Variants in CYFIP1 observed in about 807,000 individuals in gnomAD.
CYFIP1 encodes cytoplasmic FMR1-interacting protein 1.
Under a neutral mutation model 163.5 loss-of-function variants are expected in CYFIP1, and 58 were observed. That is an observed-to-expected ratio of 0.35 (90% CI 0.29 to 0.44). The LOEUF (loss-of-function observed/expected upper bound fraction) is 0.44, where lower values mean the gene tolerates loss of function less well. Among genes scored for constraint, CYFIP1 ranks in the 20% least tolerant of loss-of-function variants. CYFIP1 has a pLI of 1.00. For synonymous variants in CYFIP1, 663 were observed against 660.7 expected (o/e 1.00, Z -0.05); for missense variants, 1,338 against 1,653.8 (o/e 0.81, Z 3.31).
intron 1 of CYFIP1, among the ~76,000 whole-genome samples, chr15:22,968,008 C>T (rs1231461889): frequency 1.3e-5 from 2 of 152,020 alleles, no homozygotes; most frequent in Admixed American, 6.5e-5. Context: ...TGGTGGCACA[C>T]GCCTGTAATC....
intron 1 of CYFIP1, among the ~76,000 whole-genome samples, chr15:22,949,064 A>C (rs575577387): frequency 1.3e-4 from 20 of 152,308 alleles, no homozygotes; most frequent in African/African-American, 4.8e-4. Context: ...CAGATTCAAG[A>C]AGCTCTATGG....
At chr15:22,942,032 C>T (rs1039428262) in intron 6 of CYFIP1, among the ~76,000 whole-genome samples, 1 of 152,216 alleles carries the variant, frequency 6.6e-6, no homozygotes, top group Non-Finnish European at 1.5e-5. Flanking sequence ...CTTCAGACTT[C>T]TGCCCCAAGA....
chr15:22,976,635 C>T (rs2063292681), intron 1 of CYFIP1, among the ~76,000 whole-genome samples: 1 of 152,014 alleles, frequency 6.6e-6, no homozygotes, highest in African/African-American at 2.4e-5. Flanking sequence ...AACTTTTATT[C>T]AGTATATAAT....
Position 22,914,879 on chromosome 15 carries a change from G to T in CYFIP1, c.1832C>A (p.Thr611Lys), listed in dbSNP as rs765050909. 1.9e-6 allele frequency: 3 copies of T among 1,603,486 alleles called. No homozygotes were observed. In the Admixed American group the frequency reaches 5.2e-5, roughly 28 times the overall value. Residue 611 changes from threonine to lysine, a missense_variant, in exon 17 of 31, where the codon ACG becomes AAG. This residue lies in a region of CYFIP1 where 824 missense variants were observed against 995.7 expected (regional missense o/e 0.83). Transcript: ENST00000617928. ...FYTHLINFSE[T>K]LQQCCDLSQL... The stretch of plus-strand genomic sequence containing the variant: ...CGAAAGGTCACAGCACTGCTGCAGC[G>T]TTTCTGGGAGGGTTCAAACAACTCC...
At chr15:22,944,395 G>A (rs1035217776) in intron 5 of CYFIP1, among the ~76,000 whole-genome samples, 163 bp downstream of exon 5, 5 of 152,178 alleles carry the variant, frequency 3.3e-5, no homozygotes, top group Non-Finnish European at 5.9e-5. Flanking sequence ...AGGGCATGAG[G>A]AACTTTAGAC....
intron 5 of CYFIP1, 27 bp downstream of exon 5, chr15:22,944,531 C>G (rs79791617): frequency 0.28 from 407,838 of 1,464,214 alleles, 58,642 homozygotes; most frequent in Admixed American, 0.39. Flanking sequence ...CGGTGTTACA[C>G]CCCCCCCAGA....
At chr15:22,904,381 T>C (rs1326549328) in intron 21 of CYFIP1, 1 of 225,100 alleles carries the variant, frequency 4.4e-6, no homozygotes, top group Non-Finnish European at 8.9e-6. Flanking sequence ...TCACGTGCGC[T>C]GCTCTGGAGC....
chr15:22,968,207 G>A (rs1377471115), intron 1 of CYFIP1, among the ~76,000 whole-genome samples: 2 of 152,136 alleles, frequency 1.3e-5, no homozygotes, highest in Non-Finnish European at 2.9e-5. Context: ...TCCCTGTGAT[G>A]GTTGCTTTTA....
intron 23 of CYFIP1, among the ~76,000 whole-genome samples, chr15:22,888,854 A>G (rs969745852): frequency 6.6e-6 from 1 of 152,084 alleles, no homozygotes; most frequent in African/African-American, 2.4e-5. Flanking sequence ...CAGCCTGGCT[A>G]ACATGGTGAA....
At chr15:22,919,087 G>C (rs189821114) in intron 13 of CYFIP1, among the ~76,000 whole-genome samples, 126 of 152,324 alleles carry the variant, frequency 8.3e-4, no homozygotes, top group African/African-American at 2.8e-3. Context: ...GGACAGGGAT[G>C]CATCTGACTC....
chr15:22,870,695 T>C (rs2059409509), intron 30 of CYFIP1, among the ~76,000 whole-genome samples: 1 of 152,160 alleles, frequency 6.6e-6, no homozygotes, highest in African/African-American at 2.4e-5. Flanking sequence ...CATGCTGCTG[T>C]AGATTCATTC....
intron 1 of CYFIP1, among the ~76,000 whole-genome samples, chr15:22,953,977 A>G (rs2062351134): frequency 6.6e-6 from 1 of 152,136 alleles, no homozygotes; most frequent in Non-Finnish European, 1.5e-5. Context: ...AATGGCGTGA[A>G]CCCGGGAGGC....
At position 22,867,497 on chromosome 15, in the gene CYFIP1, C is replaced by CAGCA; in HGVS notation, c.*2527_*2530dup. 1 of 297,504 alleles carries CAGCA rather than the reference C, an allele frequency of 3.4e-6. No homozygotes were observed. Among genetic ancestry groups the CAGCA allele is most frequent in the Non-Finnish European group, 6.1e-6 (1 of 163,606 alleles). 18.4% of individuals were successfully genotyped at this position (297,504 alleles called of 1,614,324 possible). A position where few individuals can be genotyped will look rare whatever the true frequency, so the allele number is the denominator to read the frequency against. ...CGATGGCCTTAGCACCTCATCAAGCCAGCACATCCTGCCTGCTGTTGCAGC... is the reference window on the plus strand; with the variant it reads ...CGATGGCCTTAGCACCTCATCAAGCCAGCAAGCACATCCTGCCTGCTGTTGCAGC... On this transcript the variant is annotated 3_prime_UTR_variant, in exon 31 of 31. Coordinates refer to ENST00000617928, the MANE Select transcript of CYFIP1 (RefSeq NM_014608.6).
chr15:22,890,711 GGGC>G lies in CYFIP1; in HGVS notation c.2676+2176_2676+2178del, dbSNP rs2060054641. Among the ~76,000 whole-genome samples, 2 of 127,976 alleles carry G rather than the reference GGGC, an allele frequency of 1.6e-5. 1 individual carries two copies. Among genetic ancestry groups the G allele is most frequent in the Admixed American group, 1.6e-4 (2 of 12,800 alleles). The allele number at this position is 127,976 out of a possible 152,430, so 84.0% of individuals were successfully genotyped here. ...GAACACGAACAGAGACAGGGTGGAG[GGGC>G]ACAGCGGAGGCCGCACCTGCCAACA... is the stretch of plus-strand genomic sequence containing the variant. On this transcript the variant is annotated intron_variant, in intron 23 of 30. Transcript: ENST00000617928.
chr15:22,931,990 GC>G (rs2061554249), intron 11 of CYFIP1, among the ~76,000 whole-genome samples: 1 of 152,190 alleles, frequency 6.6e-6, no homozygotes, highest in South Asian at 2.1e-4. Flanking sequence ...GTACCCTGCA[GC>G]CTAGCTGTGC....
intron 21 of CYFIP1, among the ~76,000 whole-genome samples, chr15:22,906,079 C>T (rs1033869179): frequency 6.6e-6 from 1 of 151,098 alleles, no homozygotes; most frequent in African/African-American, 2.4e-5. Context: ...TCAAAACTTT[C>T]TTTTTTCCAA....
In CYFIP1 at chr15:22,922,883, T is replaced by C. The variant is rs375827596; in HGVS notation, c.1359+3099A>G. Among the ~76,000 whole-genome samples, 4 of 151,930 alleles carry C rather than the reference T, an allele frequency of 2.6e-5. No homozygotes were observed. In the South Asian group the frequency reaches 6.2e-4, roughly 24 times the overall value. On this transcript the variant is annotated intron_variant, in intron 13 of 30. Transcript: ENST00000617928. ...GGCGCACACCTGTAATCCCAGCTAC[T>C]TGGGAGGCTGAAGCAGGAGAATTGC...
intron 22 of CYFIP1, among the ~76,000 whole-genome samples, chr15:22,902,803 C>T (rs552373142): frequency 3.3e-4 from 51 of 152,288 alleles, no homozygotes; most frequent in Admixed American, 2.7e-3. Flanking sequence ...CCACAGGAAA[C>T]GCGGTCCTGC....
chr15:22,980,539 G>C (rs1280306946), upstream of CYFIP1, among the ~76,000 whole-genome samples: 3 of 151,760 alleles, frequency 2.0e-5, no homozygotes, highest in Non-Finnish European at 2.9e-5. Flanking sequence ...CGCCGAAGGT[G>C]TCCTCCCAGG....
Sources: gnomAD v4.1 joint callset for allele counts (sites outside exome capture counted in the v4.1 genomes callset) on GRCh38, gnomAD v4.1.1 for gene constraint, gnomAD v4.1.1 regional missense constraint, MANE v1.5 for transcripts, NCBI Gene and HGNC (gene_info 2026-07-23, HGNC 2026-07-21) for gene names.